IRAK1BP1: variants seen among roughly 807,000 people sequenced by gnomAD.
The protein encoded by IRAK1BP1 is interleukin-1 receptor-associated kinase 1-binding protein 1.
IRAK1BP1 carries 24 observed loss-of-function variants against 28.0 expected under a neutral mutation model. That is an observed-to-expected ratio of 0.86 (90% confidence interval 0.62 to 1.20). The LOEUF is 1.20. Among genes scored for constraint, IRAK1BP1 ranks in the 50% most tolerant of loss-of-function variants. The pLI is 0.00. For missense variants in IRAK1BP1, 336 were observed against 316.7 expected (o/e 1.06, Z -0.46); for synonymous variants, 131 against 116.3 (o/e 1.13, Z -0.81).
intron 4 of IRAK1BP1, among the ~76,000 whole-genome samples, chr6:78,922,513 A>C (rs77596657): frequency 6.6e-6 from 1 of 152,340 alleles, no homozygotes; most frequent in Admixed American, 6.5e-5. Context: ...GATATTATCC[A>C]GGAGAACTTC....
At chr6:78,895,318 A>C (rs757936552) in intron 2 of IRAK1BP1, among the ~76,000 whole-genome samples, 15 of 152,170 alleles carry the variant, frequency 9.9e-5, no homozygotes, top group Non-Finnish European at 2.1e-4. Flanking sequence ...ATTCTATACA[A>C]ATTTTTCCAG....
chr6:78,925,976 A>G (rs1287765741), intron 4 of IRAK1BP1, among the ~76,000 whole-genome samples: 1 of 152,056 alleles, frequency 6.6e-6, no homozygotes, highest in Non-Finnish European at 1.5e-5. Context: ...ATAAGCGGAA[A>G]ATAAGCACTG....
chr6:78,971,475 C>T, the IRAK1BP1 span, among the ~76,000 whole-genome samples: 63 of 152,318 alleles, frequency 4.1e-4, 1 homozygote, highest in South Asian at 0.013. Context: ...GGGATAGCCA[C>T]TATCCCATAC....
chr6:78,967,978 CA>C, the IRAK1BP1 span, among the ~76,000 whole-genome samples: 6 of 147,404 alleles, frequency 4.1e-5, no homozygotes, highest in East Asian at 2.0e-4. Flanking sequence ...ACTAAAAATA[CA>C]AAAAAAAAAT....
At chr6:78,879,969 A>G (rs1017914633) in intron 1 of IRAK1BP1, among the ~76,000 whole-genome samples, 1 of 152,248 alleles carries the variant, frequency 6.6e-6, no homozygotes, top group African/African-American at 2.4e-5. Context: ...TTCCCATACA[A>G]GGAAACAAGC....
At chr6:78,911,818 A>G (rs534986881) in intron 4 of IRAK1BP1, among the ~76,000 whole-genome samples, 1 of 152,350 alleles carries the variant, frequency 6.6e-6, no homozygotes, top group African/African-American at 2.4e-5. Flanking sequence ...ACAAGCGAGC[A>G]TATAGAGGCT....
the IRAK1BP1 span, among the ~76,000 whole-genome samples, chr6:78,960,212 TGTATA>T: frequency 1.3e-5 from 2 of 152,220 alleles, no homozygotes; most frequent in African/African-American, 4.8e-5. Flanking sequence ...TCAAACCTTA[TGTATA>T]GTATACTTTA....
At chr6:78,976,150 C>T in the IRAK1BP1 span, among the ~76,000 whole-genome samples, 1 of 150,022 alleles carries the variant, frequency 6.7e-6, no homozygotes, top group Admixed American at 6.6e-5. Flanking sequence ...GTAACCAAAA[C>T]AGCATGGTAC....
chr6:78,978,415 AAAG>A, the IRAK1BP1 span, among the ~76,000 whole-genome samples: 19 of 152,266 alleles, frequency 1.2e-4, no homozygotes, highest in Admixed American at 9.2e-4. Flanking sequence ...CAGCAGCTTC[AAAG>A]AAGATTATTA....
At chr6:78,878,907 G>A (rs1048848065) in intron 1 of IRAK1BP1, among the ~76,000 whole-genome samples, 3 of 152,166 alleles carry the variant, frequency 2.0e-5, no homozygotes, top group Admixed American at 2.0e-4. Flanking sequence ...ATCAGTGGTG[G>A]AAGATCAAAT....
At chr6:78,874,716 A>G (rs9352670) in intron 1 of IRAK1BP1, among the ~76,000 whole-genome samples, 68,264 of 151,984 alleles carry the variant, frequency 0.45, 15,985 homozygotes, top group East Asian at 0.69. Context: ...TTACAAATTA[A>G]TTTCAGGATA....
At chr6:78,894,981 ACCTGTAATC>A (rs1003284122) in intron 2 of IRAK1BP1, among the ~76,000 whole-genome samples, 2 of 151,918 alleles carry the variant, frequency 1.3e-5, no homozygotes, top group Non-Finnish European at 2.9e-5. Flanking sequence ...GGTGGTGCAC[ACCTGTAATC>A]CCAGCTACTC....
the IRAK1BP1 span, chr6:78,978,471 A>C: frequency 1.6e-6 from 1 of 626,798 alleles, no homozygotes; most frequent in African/African-American, 1.8e-5. Flanking sequence ...ATAGATACAA[A>C]TATCTAGAAT....
At chr6:78,919,440 C>A (rs1293231076) in intron 4 of IRAK1BP1, among the ~76,000 whole-genome samples, 2 of 151,984 alleles carry the variant, frequency 1.3e-5, no homozygotes, top group Non-Finnish European at 2.9e-5. Flanking sequence ...ATGGATAGAC[C>A]ACGAGGTAGG....
the IRAK1BP1 span, among the ~76,000 whole-genome samples, chr6:78,971,900 G>C: frequency 6.6e-6 from 1 of 152,164 alleles, no homozygotes; most frequent in Non-Finnish European, 1.5e-5. Context: ...CTCGCTGATT[G>C]CTAGCACAGC....
At chr6:78,932,617 C>T (rs1490999689) in intron 4 of IRAK1BP1, among the ~76,000 whole-genome samples, 1 of 151,954 alleles carries the variant, frequency 6.6e-6, no homozygotes, top group Non-Finnish European at 1.5e-5. Flanking sequence ...CGGGGTTTCA[C>T]CACGTTGGCC....
intron 1 of IRAK1BP1, chr6:78,871,994 A>C: frequency 1.8e-6 from 1 of 567,318 alleles, no homozygotes; most frequent in South Asian, 2.3e-5. Context: ...ATGGGGCCAG[A>C]GTGTAATGCC....
chr6:78,975,307 T>C, the IRAK1BP1 span, among the ~76,000 whole-genome samples: 19 of 152,132 alleles, frequency 1.2e-4, no homozygotes, highest in African/African-American at 3.9e-4. Flanking sequence ...GAAAAGGCCT[T>C]TGACAAAAAT....
downstream of IRAK1BP1, chr6:78,903,219 A>T: frequency 1.7e-6 from 1 of 591,146 alleles, no homozygotes; most frequent in Non-Finnish European, 2.9e-6. Flanking sequence ...ATGGTGGCTC[A>T]CATGTGTAAT....
Sources: allele counts gnomAD v4.1 joint callset (sites outside exome capture counted in the v4.1 genomes callset), GRCh38; gene constraint gnomAD v4.1.1; transcripts MANE v1.5; gene names NCBI Gene and HGNC (gene_info 2026-07-23, HGNC 2026-07-21).